Variants in PDGFRA observed in about 807,000 individuals in gnomAD.
The protein encoded by PDGFRA is platelet-derived growth factor receptor alpha.
Under a neutral mutation model 121.5 loss-of-function variants are expected in PDGFRA, and 25 were observed. That is an observed-to-expected ratio of 0.21 (90% confidence interval 0.15 to 0.29). The LOEUF is 0.29. PDGFRA is among the 10% of genes least tolerant of loss of function. The pLI is 1.00. For missense variants in PDGFRA, 1,008 were observed against 1,345.1 expected, an observed-to-expected ratio of 0.75 and a Z score of 3.92; for synonymous variants, 463 against 494.8, an observed-to-expected ratio of 0.94 and a Z score of 0.85.
At position 54,267,442 on chromosome 4, in the gene PDGFRA, G is replaced by A. The variant is rs1396396699; in HGVS notation, c.913G>A (p.Val305Ile). The stretch of plus-strand genomic sequence containing the variant: ...CAGGGAGGTCAAAGAAATGAAGAAA[G>A]TCACTATTTCTGTCCATGGTACATT... The part of the protein sequence containing the change: ...ATREVKEMKK[V>I]TISVHEKGFI... The change falls in exon 6 of 23, where the codon GTC becomes ATC. Residue 305 changes from valine to isoleucine, a missense_variant. By Grantham distance (29) the Val-to-Ile change is conservative (BLOSUM62 3). Transcript: ENST00000257290. 1 of 1,614,168 alleles carries A rather than the reference G, an allele frequency of 6.2e-7. No individual in the cohort carries two copies. Among genetic ancestry groups the A allele is most frequent in the Non-Finnish European group, 8.5e-7 (1 of 1,180,016 alleles).
At chr4:54,266,411 C>CTTT (rs552308043) in intron 5 of PDGFRA, among the ~76,000 whole-genome samples, 52 of 130,536 alleles carry the variant, frequency 4.0e-4, no homozygotes, top group South Asian at 1.4e-3. Context: ...TTTCTTTTTT[C>CTTT]TTTTTTTTTT....
At chr4:54,274,253 T>C (rs937453796) in intron 10 of PDGFRA, among the ~76,000 whole-genome samples, 4 of 152,250 alleles carry the variant, frequency 2.6e-5, no homozygotes, top group African/African-American at 9.6e-5. Context: ...ATTCAAATTC[T>C]GTCCACAAGG....
At chr4:54,294,601 G>A (rs994742855) in intron 22 of PDGFRA, among the ~76,000 whole-genome samples, 6 of 152,106 alleles carry the variant, frequency 3.9e-5, no homozygotes, top group Admixed American at 2.0e-4. Flanking sequence ...TCTCTAGTAC[G>A]TAAGGAGCCG....
chr4:54,260,924 C>A (rs1332994612), intron 2 of PDGFRA, among the ~76,000 whole-genome samples, 171 bp from the exon 3 acceptor site: 1 of 152,102 alleles, frequency 6.6e-6, no homozygotes. Context: ...CTGCTCTCAG[C>A]AGATGCAGTG....
intron 1 of PDGFRA, among the ~76,000 whole-genome samples, chr4:54,237,880 T>A (rs1721099167): frequency 6.6e-6 from 1 of 152,210 alleles, no homozygotes; most frequent in African/African-American, 2.4e-5. Flanking sequence ...TGACCTTCCC[T>A]TGAGAGAGAC....
chr4:54,274,553 G>A lies in PDGFRA; in HGVS notation c.1581G>A (p.Val527=). ...TAGCCCTGCGTTCTGAACTCACGGT[G>A]GCTGCTGCAGTCCTGGTGCTGTTGG... is the stretch of plus-strand genomic sequence containing the variant. ...VAPTLRSELT[V]AAAVLVLLVI... Residue 527 remains valine (V), a synonymous_variant, in exon 11 of 23, where the codon GTG becomes GTA. Coordinates refer to ENST00000257290, the MANE Select transcript of PDGFRA (RefSeq NM_006206.6). The A allele has an allele frequency of 6.2e-7, 1 of 1,613,796 alleles. No homozygotes were observed. The highest frequency in any genetic ancestry group is 8.5e-7 in the Non-Finnish European group (1 of 1,179,800).
At chr4:54,273,844 A>C in intron 10 of PDGFRA, 114 bp downstream of exon 10, 1 of 838,232 alleles carries the variant, frequency 1.2e-6, no homozygotes, top group Non-Finnish European at 2.0e-6. Flanking sequence ...GCAGAAATTC[A>C]GTTATGAATG....
At chr4:54,232,472 C>T (rs1377080014) in intron 1 of PDGFRA, among the ~76,000 whole-genome samples, 1 of 152,224 alleles carries the variant, frequency 6.6e-6, no homozygotes, top group African/African-American at 2.4e-5. Context: ...TCCCTGCCTC[C>T]TACTGCAGTT....
chr4:54,240,185 T>C, intron 1 of PDGFRA: 1 of 213,174 alleles, frequency 4.7e-6, no homozygotes, highest in Non-Finnish European at 1.0e-5. Flanking sequence ...GCTGTTTGAC[T>C]TCTCTGCTCT....
At chr4:54,290,104 T>C (rs1485303342) in intron 21 of PDGFRA, among the ~76,000 whole-genome samples, 1 of 152,242 alleles carries the variant, frequency 6.6e-6, no homozygotes, top group Non-Finnish European at 1.5e-5. Context: ...TAGCACCTAA[T>C]GGCAGAAGCT....
At chr4:54,273,030 A>G (rs1216368879) in intron 9 of PDGFRA, among the ~76,000 whole-genome samples, 2 of 152,190 alleles carry the variant, frequency 1.3e-5, no homozygotes, top group African/African-American at 4.8e-5. Context: ...CTTAACTTCT[A>G]GGGCTAAGAA....
At chr4:54,259,985 G>T (rs1341137541) in intron 2 of PDGFRA, among the ~76,000 whole-genome samples, 1 of 152,174 alleles carries the variant, frequency 6.6e-6, no homozygotes, top group Non-Finnish European at 1.5e-5. Flanking sequence ...AAAACTACAG[G>T]ACGTTATCCA....
At chr4:54,270,772 A>G in intron 8 of PDGFRA, 24 bp downstream of exon 8, 1 of 1,262,972 alleles carries the variant, frequency 7.9e-7, no homozygotes, top group Non-Finnish European at 1.2e-6. Context: ...GTATAAAGAT[A>G]ATGCTAGCTC....
rs572420481 is a variant in PDGFRA, at chr4:54,264,905, G to A, written c.629-14G>A. ...TGTGGATTTTTAGGCCCTTGTATTT[G>A]TTCTTTTTTATAGCAACATCAGAGC... On this transcript the variant is annotated splice_polypyrimidine_tract_variant and intron_variant, in intron 4 of 22. Coordinates refer to ENST00000257290, the MANE Select transcript of PDGFRA (RefSeq NM_006206.6). 3 of 1,597,330 alleles carry A rather than the reference G, an allele frequency of 1.9e-6. No homozygotes were observed. In the South Asian group the frequency reaches 3.3e-5, roughly 18 times the overall value.
chr4:54,250,486 T>G (rs1406563252), intron 1 of PDGFRA, among the ~76,000 whole-genome samples: 1 of 152,218 alleles, frequency 6.6e-6, no homozygotes, highest in Admixed American at 6.6e-5. Flanking sequence ...GGACTATACT[T>G]ATATAAATGT....
intron 15 of PDGFRA, among the ~76,000 whole-genome samples, chr4:54,279,727 C>T (rs114604358): frequency 2.5e-4 from 38 of 152,158 alleles, no homozygotes; most frequent in South Asian, 1.5e-3. Flanking sequence ...CCCCGAGTCC[C>T]CAAGTCCATT....
rs150008892 is a variant in PDGFRA at position 54,279,798 on chromosome 4, C to T, written c.2157-518C>T. On this transcript the variant is annotated intron_variant, in intron 15 of 22. Coordinates refer to ENST00000257290, the MANE Select transcript of PDGFRA (RefSeq NM_006206.6). The stretch of plus-strand genomic sequence containing the variant: ...GCTCTCACTTATGAGTGAGAACGTA[C>T]GATGTTTGGTTTCCATTTCTGAGTT... Among the ~76,000 whole-genome samples, 21 of 152,112 alleles carry T rather than the reference C, an allele frequency of 1.4e-4. No individual in the cohort carries two copies. In the East Asian group the frequency reaches 2.3e-3, roughly 17 times the overall value.
intron 1 of PDGFRA, among the ~76,000 whole-genome samples, chr4:54,237,319 C>T (rs1349300337): frequency 6.6e-6 from 1 of 152,170 alleles, no homozygotes; most frequent in Non-Finnish European, 1.5e-5. Context: ...GCAGAGGGTC[C>T]ACTGTATCTG....
intron 4 of PDGFRA, chr4:54,264,716 A>G (rs1468648162): frequency 1.9e-6 from 1 of 513,584 alleles, no homozygotes; most frequent in African/African-American, 1.9e-5. Context: ...TTATTTTGTA[A>G]TTCTGTATTA....
Sources: gnomAD v4.1 joint callset for allele counts (sites outside exome capture counted in the v4.1 genomes callset) on GRCh38, gnomAD v4.1.1 for gene constraint, MANE v1.5 for transcripts, NCBI Gene and HGNC (gene_info 2026-07-23, HGNC 2026-07-21) for gene names.